The following CMPK1 variants were observed in gnomAD, a reference collection of about 807,000 sequenced individuals.
CMPK1 encodes the protein UMP-CMP kinase.
In CMPK1, 10 loss-of-function variants were observed where a neutral mutation model predicts 25.7. The ratio of observed to expected loss-of-function variants is 0.39; its 90% CI spans 0.24 to 0.66. CMPK1 has a LOEUF of 0.66. CMPK1 is among the 30% of genes least tolerant of loss of function. The pLI, the probability that CMPK1 is intolerant of heterozygous loss-of-function variation, is 0.48. For synonymous variants in CMPK1, 106 were observed against 101.5 expected (o/e 1.04, Z -0.27); for missense variants, 199 against 280.5 (o/e 0.71, Z 2.08).
rs554333369 is a variant in CMPK1, at chr1:47,346,279, A to G, written c.171+12163A>G. ...TGGCCAGGCTGGTCTCGAACTCATG[A>G]CCTCGTGATCCGCCAGCCTCAGCCT... On this transcript the variant is annotated intron_variant, in intron 1 of 5. Coordinates refer to ENST00000371873, the MANE Select transcript of CMPK1 (RefSeq NM_016308.3). 2.6e-3 allele frequency among the ~76,000 whole-genome samples: 394 copies of G among 151,576 alleles called. 2 individuals carry two copies. Among genetic ancestry groups the G allele is most frequent in the Non-Finnish European group, 4.4e-3 (298 of 67,870 alleles).
intron 1 of CMPK1, among the ~76,000 whole-genome samples, chr1:47,364,265 C>T (rs768627147): frequency 1.3e-5 from 2 of 151,938 alleles, no homozygotes; most frequent in Non-Finnish European, 2.9e-5. Flanking sequence ...ATCTAAAGGA[C>T]GCCTAATAGT....
intron 1 of CMPK1, among the ~76,000 whole-genome samples, chr1:47,356,815 C>T (rs1193029569): frequency 6.6e-6 from 1 of 152,108 alleles, no homozygotes; most frequent in African/African-American, 2.4e-5. Flanking sequence ...TGTGTGCCAC[C>T]ACGCCAGGCT....
chr1:47,354,902 G>C (rs1302757420), intron 1 of CMPK1, among the ~76,000 whole-genome samples: 3 of 152,034 alleles, frequency 2.0e-5, no homozygotes, highest in Admixed American at 1.3e-4. Flanking sequence ...ATTTGCCCAA[G>C]ACTGAACTGA....
At position 47,333,884 on chromosome 1, in the gene CMPK1, G is replaced by GC; in HGVS notation, c.-58dup. The GC allele has an allele frequency of 8.9e-7, 1 of 1,127,764 alleles. No individual in the cohort carries two copies. Among genetic ancestry groups the GC allele is most frequent in the Non-Finnish European group, 1.1e-6 (1 of 911,210 alleles). The allele number at this position is 1,127,764 out of a possible 1,614,324, so 69.9% of individuals were successfully genotyped here. ...CGCCCCTTTCTCCCGCCGCCTCCCC[G>GC]CCCCGCCCCGCGCCGCGCCGGCCGC... On this transcript the variant is annotated 5_prime_UTR_variant, in exon 1 of 6. Coordinates refer to ENST00000371873, the MANE Select transcript of CMPK1 (RefSeq NM_016308.3).
intron 3 of CMPK1, among the ~76,000 whole-genome samples, chr1:47,374,375 C>T (rs752156235): frequency 5.3e-5 from 8 of 152,116 alleles, no homozygotes; most frequent in East Asian, 1.9e-4. Context: ...TGTTTTAAAA[C>T]GTAACTCTCT....
chr1:47,356,786 A>G (rs1199520913), intron 1 of CMPK1, among the ~76,000 whole-genome samples: 1 of 151,494 alleles, frequency 6.6e-6, no homozygotes, highest in East Asian at 1.9e-4. Context: ...TCAGCCTCCT[A>G]ACTAGCTGGG....
At chr1:47,341,635 T>A (rs1279660851) in intron 1 of CMPK1, among the ~76,000 whole-genome samples, 2 of 152,106 alleles carry the variant, frequency 1.3e-5, no homozygotes. Context: ...TATTTTTATT[T>A]TTTATTATTT....
chr1:47,362,061 G>C (rs1646606796), intron 1 of CMPK1, among the ~76,000 whole-genome samples: 1 of 151,616 alleles, frequency 6.6e-6, no homozygotes, highest in South Asian at 2.1e-4. Context: ...GTAGAAATGG[G>C]GTTTCTCCAT....
chr1:47,353,873 T>C (rs566611187), intron 1 of CMPK1, among the ~76,000 whole-genome samples: 17 of 152,216 alleles, frequency 1.1e-4, no homozygotes, highest in Non-Finnish European at 5.9e-5. Flanking sequence ...CCCGCCCCCA[T>C]GCCTGGCTAA....
rs1646710299 is a variant in CMPK1 at position 47,376,616 on chromosome 1, A to G, written c.646-88A>G. On this transcript the variant is annotated intron_variant, in intron 5 of 5. Transcript: ENST00000371873. ...CAGATGTGAGCCACCGCGCCCCGCCAAATTTGATTATTTTTAATAAGAACT... is the reference window on the plus strand; with the variant it reads ...CAGATGTGAGCCACCGCGCCCCGCCGAATTTGATTATTTTTAATAAGAACT... The G allele has an allele frequency of 3.6e-5, 31 of 858,228 alleles. 2 individuals are homozygous for G. In the South Asian group the frequency reaches 5.0e-4, roughly 14 times the overall value. 53.2% of individuals were successfully genotyped at this position (858,228 alleles called of 1,614,324 possible).
At chr1:47,368,749 C>A in intron 2 of CMPK1, 134 bp downstream of exon 2, 1 of 818,642 alleles carries the variant, frequency 1.2e-6, no homozygotes, top group Non-Finnish European at 1.7e-6. Flanking sequence ...CACTTGAGGC[C>A]AGGAATTCAA....
intron 1 of CMPK1, chr1:47,358,208 G>T: frequency 2.3e-6 from 1 of 437,870 alleles, no homozygotes; most frequent in South Asian, 1.6e-5. Flanking sequence ...AACTCCTGGG[G>T]CTCAAGCTAC....
chr1:47,370,642 T>TAA lies in CMPK1; in HGVS notation c.318+2039_318+2040dup, dbSNP rs35175280. On this transcript the variant is annotated intron_variant, in intron 2 of 5. Transcript: ENST00000371873. ...GGTGACAGAGTGAAACTCTGTTTCT[T>TAA]AAAAAAAAAAAAATGTCCGGGTGTG... Among the ~76,000 whole-genome samples, 467 of 133,912 alleles carry TAA rather than the reference T, an allele frequency of 3.5e-3. 1 individual carries two copies. The highest frequency in any genetic ancestry group is 0.012 in the African/African-American group (440 of 36,474). The allele number at this position is 133,912 out of a possible 152,430, so 87.9% of individuals were successfully genotyped here.
intron 5 of CMPK1, among the ~76,000 whole-genome samples, chr1:47,375,825 G>A (rs767129055): frequency 9.2e-5 from 14 of 152,168 alleles, no homozygotes; most frequent in South Asian, 6.2e-4. Flanking sequence ...GTTTGCAAGC[G>A]CAACAAAATT....
intron 2 of CMPK1, among the ~76,000 whole-genome samples, chr1:47,370,039 C>T (rs576190415): frequency 1.3e-5 from 2 of 150,920 alleles, no homozygotes; most frequent in Non-Finnish European, 2.9e-5. Flanking sequence ...CTCAGCCTTC[C>T]GAGTAGCTGG....
intron 1 of CMPK1, among the ~76,000 whole-genome samples, chr1:47,366,683 G>T (rs1646641583): frequency 6.6e-6 from 1 of 151,868 alleles, no homozygotes; most frequent in South Asian, 2.1e-4. Flanking sequence ...CTTGGACTTT[G>T]CAGGTAAGGT....
At chr1:47,341,518 G>C (rs1646440660) in intron 1 of CMPK1, among the ~76,000 whole-genome samples, 1 of 151,942 alleles carries the variant, frequency 6.6e-6, no homozygotes, top group Non-Finnish European at 1.5e-5. Flanking sequence ...ACAGGTGTGT[G>C]CTACCACGCC....
intron 2 of CMPK1, among the ~76,000 whole-genome samples, chr1:47,372,467 T>C (rs1278068628): frequency 1.3e-5 from 2 of 152,180 alleles, no homozygotes; most frequent in Admixed American, 6.5e-5. Flanking sequence ...AATAGCAGAG[T>C]TGAGCACCTG....
At chr1:47,361,491 C>T (rs759458002) in intron 1 of CMPK1, among the ~76,000 whole-genome samples, 6 of 152,180 alleles carry the variant, frequency 3.9e-5, no homozygotes, top group Admixed American at 6.6e-5. Context: ...TATAAAGTGG[C>T]TGAAACTGGC....
Sources: gnomAD v4.1 joint callset for allele counts (sites outside exome capture counted in the v4.1 genomes callset) on GRCh38, gnomAD v4.1.1 for gene constraint, MANE v1.5 for transcripts, NCBI Gene and HGNC (gene_info 2026-07-23, HGNC 2026-07-21) for gene names.